SLC9A3: variants seen among roughly 807,000 people sequenced by gnomAD.
The protein encoded by SLC9A3 is solute carrier family 9 member A3.
SLC9A3 carries 37 observed loss-of-function variants against 86.8 expected under a neutral mutation model. That is an observed-to-expected ratio of 0.43 (90% CI 0.33 to 0.56). SLC9A3 has a LOEUF of 0.56. SLC9A3 is among the 20% of genes least tolerant of loss of function. The probability of loss-of-function intolerance (pLI) is 0.06; values close to 1 mark genes in which losing one functional copy is unlikely to be tolerated. For missense variants in SLC9A3, 1,011 were observed against 1,171.9 expected (o/e 0.86, Z 2.00); for synonymous variants, 581 against 528.3 (o/e 1.10, Z -1.37).
rs558848864 is a variant in SLC9A3, at chr5:472,148, C to A, written c.*1231G>T. 34 of 382,344 alleles carry A rather than the reference C, an allele frequency of 8.9e-5. No homozygotes were observed. The highest frequency in any genetic ancestry group is 6.9e-4 in the African/African-American group (33 of 47,648). The allele number at this position is 382,344 out of a possible 1,614,324, so 23.7% of individuals were successfully genotyped here. A position where few individuals can be genotyped will look rare whatever the true frequency, so the allele number is the denominator to read the frequency against. On this transcript the variant is annotated 3_prime_UTR_variant, in exon 17 of 17. Coordinates refer to ENST00000264938, the MANE Select transcript of SLC9A3 (RefSeq NM_004174.4). ...CGAGCACCCTCCCCGGCTCAGCACC[C>A]GCGGCCTCCGCCCACTCAATGGACT...
rs561432439 is a variant in SLC9A3, at chr5:496,558, T to G, written c.212-4487A>C. Among the ~76,000 whole-genome samples, 98 of 152,366 alleles carry G rather than the reference T, an allele frequency of 6.4e-4. No homozygotes were observed. The highest frequency in any genetic ancestry group is 1.2e-3 in the Non-Finnish European group (79 of 68,042). ...TTCAGCGGCAGGTAGATTTTCACTT[T>G]CAAAAATGTTGCTCTCATCTTTCCA... On this transcript the variant is annotated intron_variant, in intron 1 of 16. Transcript: ENST00000264938. This position sits in a 1 kb window ranked among gnomAD's most constrained non-coding sequence, Gnocchi z 4.7.
In SLC9A3 at chr5:497,315, A is replaced by G. The variant is rs139993468; in HGVS notation, c.212-5244T>C. 2.3e-3 allele frequency among the ~76,000 whole-genome samples: 346 copies of G among 152,250 alleles called. 2 individuals are homozygous for G. Among genetic ancestry groups the G allele is most frequent in the Non-Finnish European group, 4.1e-3 (279 of 68,010 alleles). On this transcript the variant is annotated intron_variant, in intron 1 of 16. Transcript: ENST00000264938. This position sits in a 1 kb window ranked among gnomAD's most constrained non-coding sequence, Gnocchi z 5.4. ...TGGCCGAATTCCCTCCAGGTGCAGGAGTCGACGCCCCCCACTGCCCTCGAA... is the reference window on the plus strand; with the variant it reads ...TGGCCGAATTCCCTCCAGGTGCAGGGGTCGACGCCCCCCACTGCCCTCGAA...
At chr5:515,238 G>T (rs1443863881) in intron 1 of SLC9A3, among the ~76,000 whole-genome samples, 1 of 152,028 alleles carries the variant, frequency 6.6e-6, no homozygotes, top group Non-Finnish European at 1.5e-5. Context: ...AGCACAAACG[G>T]CCAGGCCCAT....
intron 1 of SLC9A3, among the ~76,000 whole-genome samples, chr5:513,285 T>C (rs577983611): frequency 6.6e-6 from 1 of 152,256 alleles, no homozygotes; most frequent in East Asian, 1.9e-4. Context: ...ACATTTACCA[T>C]GGGCAGTATC....
chr5:475,228 G>A (rs1199572031), intron 15 of SLC9A3, 96 bp from the exon 16 acceptor site: 2 of 722,640 alleles, frequency 2.8e-6, no homozygotes, highest in African/African-American at 2.2e-5. Context: ...GCCTTGGAAA[G>A]TTAGGGTCAC....
intron 1 of SLC9A3, among the ~76,000 whole-genome samples, chr5:501,432 C>A (rs1163001800): frequency 6.6e-6 from 1 of 152,344 alleles, no homozygotes; most frequent in Admixed American, 6.5e-5. Context: ...AACAGCCTGG[C>A]TGAGCGGTGG....
At chr5:492,653 G>A (rs1221651932) in intron 1 of SLC9A3, among the ~76,000 whole-genome samples, 7 of 148,258 alleles carry the variant, frequency 4.7e-5, no homozygotes, top group South Asian at 2.2e-4. Flanking sequence ...CTGGATGGAC[G>A]GTGGTCGGGG....
Position 476,336 on chromosome 5 carries a change from C to T in SLC9A3, c.1933G>A (p.Asp645Asn), listed in dbSNP as rs377432139. ...AAGATTTCCCGGTCCTGTTTCTCGT[C>T]CTCCGTGGGCGTGAGCTCGTGTCGG... ...YSRHELTPTE[D>N]EKQDREIFHR... is the part of the protein sequence containing the mutation. The change falls in exon 13 of 17, where the codon GAC becomes AAC. Residue 645 changes from aspartate to asparagine, a missense_variant. Asp to Asn is a conservative substitution (Grantham distance 23). Transcript: ENST00000264938. The T allele has an allele frequency of 6.8e-6, 11 of 1,613,940 alleles. No individual in the cohort carries two copies. In the East Asian group the frequency reaches 8.9e-5, roughly 13 times the overall value.
chr5:489,975 C>T (rs1357254790), intron 2 of SLC9A3, among the ~76,000 whole-genome samples: 2 of 152,256 alleles, frequency 1.3e-5, no homozygotes, highest in African/African-American at 4.8e-5. Context: ...ACTGCCCGGA[C>T]AGCCCCCGGG....
chr5:475,116 C>T lies in SLC9A3; in HGVS notation c.2268G>A (p.Val756=), dbSNP rs745803303. 2 of 1,599,470 alleles carry T rather than the reference C, an allele frequency of 1.3e-6. No individual in the cohort carries two copies. The highest frequency in any genetic ancestry group is 1.7e-6 in the Non-Finnish European group (2 of 1,172,084). Residue 756 remains valine, a synonymous_variant, in exon 16 of 17, where the codon GTG becomes GTA. Transcript: ENST00000264938. The part of the protein sequence containing the change: ...SDSPAGIDNP[V]FSPDEALDRS... ...GGTCCAGGGCCTCGTCCGGAGAAAA[C>T]ACAGGGTTGTCAATTCCTAGGAGAG...
intron 1 of SLC9A3, among the ~76,000 whole-genome samples, chr5:514,975 G>A (rs1023612351): frequency 6.6e-6 from 1 of 152,086 alleles, no homozygotes; most frequent in Non-Finnish European, 1.5e-5. Context: ...CCAGATAGGG[G>A]GTCCCGGCTG....
chr5:504,221 G>A (rs1254720879), intron 1 of SLC9A3, among the ~76,000 whole-genome samples: 2 of 123,684 alleles, frequency 1.6e-5, no homozygotes, highest in Admixed American at 1.7e-4. Context: ...ATCGCTGTGG[G>A]GCTGCCGCCA....
At chr5:517,314 C>G (rs1733760417) in intron 1 of SLC9A3, among the ~76,000 whole-genome samples, 3 of 152,030 alleles carry the variant, frequency 2.0e-5, no homozygotes, top group African/African-American at 4.8e-5. Flanking sequence ...TATATCCATT[C>G]ATTCACTCAT....
At position 477,346 on chromosome 5, in the gene SLC9A3, A is replaced by G. The variant is rs779010163; in HGVS notation, c.1746T>C (p.Ser582=). ...TGGCCACATACAGGAGGTAGGAGACAGAGGCCTCCACGGTGGACGATCGTG... is the reference window on the plus strand; with the variant it reads ...TGGCCACATACAGGAGGTAGGAGACGGAGGCCTCCACGGTGGACGATCGTG... ...FTPRSSTVEA[S]VSYLLRENVS... is the part of the protein sequence containing the mutation. The change falls in exon 11 of 17, where the codon TCT becomes TCC. Residue 582 remains serine, a synonymous_variant. Transcript: ENST00000264938. 2 of 1,606,444 alleles carry G rather than the reference A, an allele frequency of 1.2e-6. No homozygotes were observed. The highest frequency in any genetic ancestry group is 2.2e-5 in the South Asian group (2 of 90,800).
chr5:512,913 G>A (rs1296913179), intron 1 of SLC9A3, among the ~76,000 whole-genome samples: 1 of 152,176 alleles, frequency 6.6e-6, no homozygotes, highest in African/African-American at 2.4e-5. Context: ...TGACTCCACG[G>A]TGCTGACACT....
intron 1 of SLC9A3, among the ~76,000 whole-genome samples, chr5:494,408 C>T (rs1024194621): frequency 6.6e-6 from 1 of 152,192 alleles, no homozygotes; most frequent in African/African-American, 2.4e-5. Context: ...GGCCTCTGCT[C>T]AGGGCAGCCT....
intron 1 of SLC9A3, among the ~76,000 whole-genome samples, chr5:517,976 T>C (rs376434235): frequency 7.9e-5 from 12 of 152,018 alleles, no homozygotes; most frequent in African/African-American, 2.9e-4. Flanking sequence ...TACTCATCCA[T>C]TCATCCATTC....
intron 4 of SLC9A3, 130 bp from the exon 5 acceptor site, chr5:484,827 C>G (rs551192703): frequency 7.1e-6 from 6 of 849,436 alleles, no homozygotes; most frequent in South Asian, 3.4e-5. Context: ...TCTTGGAGAT[C>G]GGGCCTGGTC....
intron 2 of SLC9A3, among the ~76,000 whole-genome samples, chr5:489,838 C>T (rs1157813228): frequency 1.3e-5 from 2 of 152,228 alleles, no homozygotes; most frequent in African/African-American, 4.8e-5. Context: ...CCCGTCTGGA[C>T]AGTTGCCCAC....
Sources: allele counts gnomAD v4.1 joint callset (sites outside exome capture counted in the v4.1 genomes callset), GRCh38; gene constraint gnomAD v4.1.1; non-coding constraint Gnocchi (gnomAD v3.1); transcripts MANE v1.5; gene names NCBI Gene and HGNC (gene_info 2026-07-23, HGNC 2026-07-21).